LMF1: variants seen among roughly 807,000 people sequenced by gnomAD.
The protein encoded by LMF1 is transmembrane protein 112.
Under a neutral mutation model 60.6 loss-of-function variants are expected in LMF1, and 68 were observed. That is an observed-to-expected ratio of 1.12 (90% CI 0.92 to 1.37). The LOEUF is 1.37. Ranked by LOEUF, LMF1 falls within the 40% of genes most tolerant of loss-of-function variation. The pLI, the probability that LMF1 is intolerant of heterozygous loss-of-function variation, is 0.00. For synonymous variants in LMF1, 418 were observed against 324.7 expected, an observed-to-expected ratio of 1.29 and a Z score of -3.09; for missense variants, 948 against 767.2, an observed-to-expected ratio of 1.24 and a Z score of -2.78.
upstream of LMF1, among the ~76,000 whole-genome samples, chr16:973,604 G>A (rs553694997): frequency 1.2e-4 from 18 of 152,318 alleles, no homozygotes; most frequent in South Asian, 3.5e-3. Flanking sequence ...GAATCTTCTG[G>A]AACTAGGCGA....
At chr16:921,374 C>A (rs111451957) in intron 3 of LMF1, among the ~76,000 whole-genome samples, 16 of 152,218 alleles carry the variant, frequency 1.1e-4, no homozygotes, top group Non-Finnish European at 2.2e-4. Context: ...GGTGGGCACA[C>A]GGACCTGCGC....
Position 885,962 on chromosome 16 carries a change from A to T in LMF1, c.730-6225T>A, listed in dbSNP as rs1057233671. ...AACCATATTCTGGGCTACAGAACAAATCTGACTAAATTTTAAAAGACTCAA... is the reference window on the plus strand; with the variant it reads ...AACCATATTCTGGGCTACAGAACAATTCTGACTAAATTTTAAAAGACTCAA... On this transcript the variant is annotated intron_variant, in intron 5 of 10. Transcript: ENST00000262301. Among the ~76,000 whole-genome samples, 26 of 152,220 alleles carry T rather than the reference A, an allele frequency of 1.7e-4. 1 individual carries two copies. Among genetic ancestry groups the T allele is most frequent in the African/African-American group, 6.3e-4 (26 of 41,450 alleles).
rs562564987 is a variant in LMF1 at position 949,130 on chromosome 16, GAC to G, written c.503+5225_503+5226del. 3.6e-4 allele frequency among the ~76,000 whole-genome samples: 53 copies of G among 146,326 alleles called. 1 individual carries two copies. The highest frequency in any genetic ancestry group is 2.2e-3 in the South Asian group (10 of 4,586). On this transcript the variant is annotated intron_variant, in intron 2 of 10. Transcript: ENST00000262301. ...CCAGCCAATGACAGAGTCAGCCAAC[GAC>G]AGAGTTAGAGACAATGACAGAGTCA...
chr16:973,340 G>C (rs1327524482), upstream of LMF1, among the ~76,000 whole-genome samples: 1 of 152,148 alleles, frequency 6.6e-6, no homozygotes, highest in African/African-American at 2.4e-5. Flanking sequence ...GCGAGACTCT[G>C]TCTCACTAAA....
At chr16:951,184 C>CAGTCAGCCAACGACAG (rs2072455759) in intron 2 of LMF1, among the ~76,000 whole-genome samples, 2 of 150,142 alleles carry the variant, frequency 1.3e-5, no homozygotes, top group Non-Finnish European at 3.0e-5. Context: ...CAGCCAACAA[C>CAGTCAGCCAACGACAG]AGTCAGCCAA....
At chr16:915,834 G>C (rs536763017) in intron 3 of LMF1, among the ~76,000 whole-genome samples, 1 of 152,048 alleles carries the variant, frequency 6.6e-6, no homozygotes, top group South Asian at 2.1e-4. Context: ...GGCCGGAGCA[G>C]GTGAGATGCA....
intron 3 of LMF1, among the ~76,000 whole-genome samples, chr16:922,603 T>G (rs980727048): frequency 6.9e-5 from 10 of 145,026 alleles, no homozygotes; most frequent in African/African-American, 2.5e-4. Flanking sequence ...GGTTTTCTGG[T>G]GTGATGTGGT....
rs199591347 is a variant in LMF1, at chr16:854,548, A to C, written c.1688T>G (p.Leu563Arg). ...RPYFRDRGWP[L>R]PGPL ...GGTGCACGTCTAGAGGGGCCCGGGC[A>C]GAGGCCACCCACGGTCCCTGAAGTA... The change falls in exon 11 of 11, where the codon CTG (leucine) becomes CGG (arginine). Residue 563 changes from leucine to arginine, a missense_variant. Physicochemically the swap from Leu to Arg is moderately radical, Grantham distance 102. Transcript: ENST00000262301. 8.0e-5 allele frequency: 128 copies of C among 1,608,438 alleles called. No homozygotes were observed. The East Asian group carries it at 2.2e-3, about 28-fold the overall frequency.
At chr16:890,351 C>G (rs1195180663) in intron 5 of LMF1, among the ~76,000 whole-genome samples, 2 of 152,238 alleles carry the variant, frequency 1.3e-5, no homozygotes, top group Non-Finnish European at 2.9e-5. Flanking sequence ...TCCCTCATGC[C>G]TTTTCAAGTC....
intron 3 of LMF1, among the ~76,000 whole-genome samples, chr16:917,956 C>T (rs1358771807): frequency 1.1e-4 from 16 of 152,192 alleles, no homozygotes; most frequent in Non-Finnish European, 2.2e-4. Context: ...GTCCTGAGGA[C>T]GTTTCACAGG....
rs373751043 is a variant in LMF1, at chr16:892,994, A to G, written c.729+13T>C. 3.4e-4 allele frequency: 524 copies of G among 1,544,614 alleles called. 6 individuals carry two copies. In the African/African-American group the frequency reaches 6.8e-3, roughly 20 times the overall value. On this transcript the variant is annotated intron_variant, in intron 5 of 10. Transcript: ENST00000262301. ...ACCGGGTGCCCTGCCCTCACGCTGC[A>G]CGGCACGCTCACCTCATAGTGGAAG...
chr16:870,616 G>A (rs1389727677), intron 8 of LMF1, 113 bp downstream of exon 8: 6 of 1,265,820 alleles, frequency 4.7e-6, no homozygotes, highest in South Asian at 2.6e-5. Context: ...GGGTGGGGCA[G>A]GGGACACTTG....
chr16:855,466 A>T (rs1481900176), intron 10 of LMF1: 1 of 354,166 alleles, frequency 2.8e-6, no homozygotes, highest in Non-Finnish European at 5.5e-6. Flanking sequence ...CCCTCACTGG[A>T]CTCTCGGAGG....
At chr16:891,077 C>G (rs1255210261) in intron 5 of LMF1, among the ~76,000 whole-genome samples, 1 of 152,220 alleles carries the variant, frequency 6.6e-6, no homozygotes, top group Non-Finnish European at 1.5e-5. Context: ...ACAGGAAGAA[C>G]TGGGTGCTCA....
At chr16:919,510 G>T (rs960848359) in intron 3 of LMF1, among the ~76,000 whole-genome samples, 1 of 68,806 alleles carries the variant, frequency 1.5e-5, no homozygotes, top group Non-Finnish European at 2.5e-5. Flanking sequence ...CAGGGCACAG[G>T]CCCCACAGAC....
chr16:945,539 A>G (rs1597047119), intron 2 of LMF1, among the ~76,000 whole-genome samples: 1 of 151,102 alleles, frequency 6.6e-6, no homozygotes, highest in East Asian at 1.9e-4. Context: ...AAAAAAAGAA[A>G]AAAGTTCAGC....
upstream of LMF1, among the ~76,000 whole-genome samples, chr16:974,680 C>T (rs528876232): frequency 9.2e-5 from 14 of 152,286 alleles, no homozygotes; most frequent in East Asian, 1.7e-3. Flanking sequence ...CACACAAGCC[C>T]GTGGCTGGCC....
At chr16:871,042 C>A in intron 7 of LMF1, 119 bp downstream of exon 7, 3 of 1,393,602 alleles carry the variant, frequency 2.2e-6, no homozygotes, top group Non-Finnish European at 1.9e-6. Flanking sequence ...CGCTACACTG[C>A]GGACGGCGCT....
In LMF1 at chr16:962,625, C is replaced by T. The variant is rs1039752567; in HGVS notation, c.194-7959G>A. Among the ~76,000 whole-genome samples the T allele has an allele frequency of 1.3e-5, 2 of 152,284 alleles. No homozygotes were observed. Among genetic ancestry groups the T allele is most frequent in the South Asian group, 2.1e-4 (1 of 4,824 alleles). On this transcript the variant is annotated intron_variant, in intron 1 of 10. Transcript: ENST00000262301. This position sits in a 1 kb window ranked among gnomAD's most constrained non-coding sequence, Gnocchi z 4.5. ...GCGAGGAAACACCAGACGGACCCAA[C>T]GTGAGGGACGCTCTACAGACGCCAT...
Sources: allele counts gnomAD v4.1 joint callset (sites outside exome capture counted in the v4.1 genomes callset), GRCh38; gene constraint gnomAD v4.1.1; non-coding constraint Gnocchi (gnomAD v3.1); transcripts MANE v1.5; gene names NCBI Gene and HGNC (gene_info 2026-07-23, HGNC 2026-07-21).